The following TMPRSS11A variants were observed in gnomAD, a reference collection of about 807,000 sequenced individuals.
The protein encoded by TMPRSS11A is transmembrane serine protease 11A, also known as transmembrane protease serine 11A.
TMPRSS11A carries 53 observed loss-of-function variants against 58.9 expected under a neutral mutation model. The ratio of observed to expected loss-of-function variants is 0.90; its 90% CI spans 0.72 to 1.13. TMPRSS11A has a LOEUF of 1.13. Among genes scored for constraint, TMPRSS11A ranks in the 50% most tolerant of loss-of-function variants. The probability of loss-of-function intolerance (pLI) is 0.00; values close to 1 mark genes in which losing one functional copy is unlikely to be tolerated. For synonymous variants in TMPRSS11A, 167 were observed against 169.8 expected (o/e 0.98, Z 0.13); for missense variants, 493 against 499.3 (o/e 0.99, Z 0.12).
intron 8 of TMPRSS11A, among the ~76,000 whole-genome samples, chr4:67,915,231 C>A (rs1002742361): frequency 6.6e-6 from 1 of 151,870 alleles, no homozygotes; most frequent in Non-Finnish European, 1.5e-5. Flanking sequence ...ATGCATTAAA[C>A]GGCAATGATT....
chr4:67,940,392 T>C (rs950153395), intron 3 of TMPRSS11A, among the ~76,000 whole-genome samples: 8 of 152,160 alleles, frequency 5.3e-5, no homozygotes, highest in Non-Finnish European at 1.0e-4. Flanking sequence ...GCTGGTAAGT[T>C]TTTTAAATTA....
chr4:67,962,382 A>G (rs1162744418), intron 1 of TMPRSS11A, among the ~76,000 whole-genome samples: 1 of 152,108 alleles, frequency 6.6e-6, no homozygotes, highest in Non-Finnish European at 1.5e-5. Flanking sequence ...CACTGGATGG[A>G]ATCCTTGCCA....
rs1403642619 is a variant in TMPRSS11A, at chr4:67,911,305, C to G, written c.*37G>C. The G allele has an allele frequency of 3.7e-6, 6 of 1,601,100 alleles. No homozygotes were observed. In the South Asian group the frequency reaches 4.5e-5, roughly 12 times the overall value. ...AGTTGAATTCTCATGCATATATGAC[C>G]TGCATACAGCTTTCTTTGTTTAACT... is the stretch of plus-strand genomic sequence containing the variant. On this transcript the variant is annotated 3_prime_UTR_variant, in exon 10 of 10. Transcript: ENST00000508048.
At chr4:67,917,182 T>A (rs1005094202) in intron 8 of TMPRSS11A, among the ~76,000 whole-genome samples, 1 of 152,064 alleles carries the variant, frequency 6.6e-6, no homozygotes, top group Non-Finnish European at 1.5e-5. Flanking sequence ...GTTTATTTTT[T>A]ATTTTTCTAG....
chr4:67,931,144 G>T (rs1720606114), intron 4 of TMPRSS11A, among the ~76,000 whole-genome samples: 1 of 151,992 alleles, frequency 6.6e-6, no homozygotes, highest in Admixed American at 6.6e-5. Context: ...AATCTAGAAA[G>T]TTCTAGCATT....
At chr4:67,950,851 A>C (rs1293704954) in intron 1 of TMPRSS11A, among the ~76,000 whole-genome samples, 1 of 152,242 alleles carries the variant, frequency 6.6e-6, no homozygotes, top group East Asian at 1.9e-4. Flanking sequence ...AAAAATTAAA[A>C]TAGGAAGAAA....
In TMPRSS11A at chr4:67,915,166, C is replaced by CACATATATAAGATATATGTGAAATAT. The variant is rs1215114302; in HGVS notation, c.953-462_953-437dup. On this transcript the variant is annotated intron_variant, in intron 8 of 9. Coordinates refer to ENST00000508048, the MANE Select transcript of TMPRSS11A (RefSeq NM_001114387.2). ...TTATTTAAAGTTTATGATGAGCTTT[C>CACATATATAAGATATATGTGAAATAT]ACATATATAAGATATATGTGAAATA... Among the ~76,000 whole-genome samples the CACATATATAAGATATATGTGAAATAT allele has an allele frequency of 9.2e-5, 14 of 151,892 alleles. 1 individual carries two copies. The highest frequency in any genetic ancestry group is 3.4e-4 in the African/African-American group (14 of 41,438).
intron 1 of TMPRSS11A, among the ~76,000 whole-genome samples, chr4:67,951,716 A>G (rs963201049): frequency 6.6e-6 from 1 of 152,200 alleles, no homozygotes; most frequent in African/African-American, 2.4e-5. Context: ...GAAGTCCAAA[A>G]TACACTATCT....
intron 9 of TMPRSS11A, among the ~76,000 whole-genome samples, chr4:67,912,394 GGT>G (rs1720007924): frequency 6.6e-6 from 1 of 152,048 alleles, no homozygotes; most frequent in African/African-American, 2.4e-5. Flanking sequence ...GCAGAGCTAT[GGT>G]GTTGGGATTA....
At chr4:67,946,083 T>G (rs1052694634) in intron 2 of TMPRSS11A, among the ~76,000 whole-genome samples, 2 of 152,126 alleles carry the variant, frequency 1.3e-5, no homozygotes, top group African/African-American at 4.8e-5. Flanking sequence ...TAATTTATCA[T>G]AACTTTTCAT....
chr4:67,921,529 G>A (rs1026266497), intron 7 of TMPRSS11A, among the ~76,000 whole-genome samples: 13 of 151,984 alleles, frequency 8.6e-5, no homozygotes, highest in Admixed American at 8.5e-4. Flanking sequence ...AGCTGGTCTT[G>A]AACTCCTGAG....
intron 3 of TMPRSS11A, among the ~76,000 whole-genome samples, chr4:67,944,053 A>G (rs1720941058): frequency 6.6e-6 from 1 of 152,170 alleles, no homozygotes; most frequent in South Asian, 2.1e-4. Context: ...TTACTACAAA[A>G]TAAGTCTGGT....
chr4:67,925,168 G>A (rs1050249304), intron 5 of TMPRSS11A, among the ~76,000 whole-genome samples: 1 of 152,114 alleles, frequency 6.6e-6, no homozygotes, highest in African/African-American at 2.4e-5. Context: ...CACAATCCAA[G>A]ATTAAATTCT....
chr4:67,916,111 C>T (rs183306207), intron 8 of TMPRSS11A, among the ~76,000 whole-genome samples: 237 of 152,104 alleles, frequency 1.6e-3, no homozygotes, highest in African/African-American at 5.2e-3. Context: ...TCTTGAGAAA[C>T]GCTACAAGAG....
chr4:67,914,521 A>G (rs962289784), intron 9 of TMPRSS11A, 67 bp downstream of exon 9: 1 of 1,452,614 alleles, frequency 6.9e-7, no homozygotes, highest in Non-Finnish European at 9.6e-7. Context: ...TGTAAAGAAC[A>G]TATAATATAT....
chr4:67,924,298 T>C, intron 5 of TMPRSS11A, 132 bp from the exon 6 acceptor site: 1 of 774,040 alleles, frequency 1.3e-6, no homozygotes, highest in South Asian at 1.5e-5. Context: ...ATTAGGAGAA[T>C]GGCTATCTGA....
At chr4:67,943,952 G>A (rs1161964491) in intron 3 of TMPRSS11A, among the ~76,000 whole-genome samples, 2 of 152,154 alleles carry the variant, frequency 1.3e-5, no homozygotes, top group Non-Finnish European at 2.9e-5. Context: ...GGCATTCTGA[G>A]TGGAATGATT....
intron 5 of TMPRSS11A, among the ~76,000 whole-genome samples, chr4:67,929,048 G>T (rs1720545547): frequency 6.6e-6 from 1 of 152,166 alleles, no homozygotes; most frequent in South Asian, 2.1e-4. Context: ...GAATTTTTAA[G>T]ATGTGTTTGA....
At position 67,918,581 on chromosome 4, in the gene TMPRSS11A, G is replaced by T. The variant is rs563318071; in HGVS notation, c.952+392C>A. On this transcript the variant is annotated intron_variant, in intron 8 of 9. Transcript: ENST00000508048. ...TTCTATGTATTTTTTCTTTGTTGAGGATGATGTGTTGAGGTGTTGTTAGCC... is the reference window on the plus strand; with the variant it reads ...TTCTATGTATTTTTTCTTTGTTGAGTATGATGTGTTGAGGTGTTGTTAGCC... 3.7e-4 allele frequency among the ~76,000 whole-genome samples: 56 copies of T among 152,232 alleles called. No individual in the cohort carries two copies. In the South Asian group the frequency reaches 5.8e-3, roughly 16 times the overall value.
Sources: gnomAD v4.1 joint callset for allele counts (sites outside exome capture counted in the v4.1 genomes callset) on GRCh38, gnomAD v4.1.1 for gene constraint, MANE v1.5 for transcripts, NCBI Gene and HGNC (gene_info 2026-07-23, HGNC 2026-07-21) for gene names.